The following EXOC8 variants were observed in gnomAD, a reference collection of about 807,000 sequenced individuals.
EXOC8 encodes the protein exocyst complex 84 kDa subunit.
In EXOC8, 19 loss-of-function variants were observed where a neutral mutation model predicts 50.8. The observed-to-expected ratio is 0.37, with a 90% CI of 0.26 to 0.55. The LOEUF (loss-of-function observed/expected upper bound fraction) is 0.55. EXOC8 is among the 20% of genes least tolerant of loss of function. EXOC8 has a pLI of 0.80. For synonymous variants in EXOC8, 384 were observed against 367.9 expected (o/e 1.04, Z -0.50); for missense variants, 781 against 915.8 (o/e 0.85, Z 1.90).
At position 231,336,036 on chromosome 1, in the gene EXOC8, G is replaced by T. The variant is rs1346714638; in HGVS notation, c.1710C>A (p.Asn570Lys). 3 of 1,614,058 alleles carry T rather than the reference G, an allele frequency of 1.9e-6. No individual in the cohort carries two copies. Among genetic ancestry groups the T allele is most frequent in the Non-Finnish European group, 2.5e-6 (3 of 1,180,044 alleles). The change falls in exon 1 of 1, where the codon AAC (asparagine) becomes AAA (lysine). Residue 570 changes from asparagine (N) to lysine (K), a missense_variant. This residue lies in a region of EXOC8 where 700 missense variants were observed against 804.1 expected (regional missense o/e 0.87). Transcript: ENST00000366645. The surrounding 1 kb of genome is among the most constrained non-coding windows in gnomAD (Gnocchi z 5.4). ...TCATCCTCCTCCACATCTCTTCAGA[G>T]TTGCGATGTTTAGTGGCTTCAATGA... ...EIIIEATKHR[N>K]SEEMWRRMNL...
At position 231,337,097 on chromosome 1, in the gene EXOC8, A is replaced by G; in HGVS notation, c.649T>C (p.Trp217Arg). 1 of 1,614,136 alleles carries G rather than the reference A, an allele frequency of 6.2e-7. No individual in the cohort carries two copies. The highest frequency in any genetic ancestry group is 2.2e-5 in the East Asian group (1 of 44,868). Residue 217 changes from tryptophan (W) to arginine (R), a missense_variant, in exon 1 of 1, where the codon TGG becomes CGG. Around this residue, in one of 3 missense-constraint regions of EXOC8, gnomAD observed 700 missense variants for 804.1 expected, o/e 0.87. Transcript: ENST00000366645. This position sits in a 1 kb window ranked among gnomAD's most constrained non-coding sequence, Gnocchi z 5.9. ...TACATCCCACGCCGCTGAGGCAGCC[A>G]GGTAGCCACCAACAAGCAATCGTTC... ...LMNDCLLVAT[W>R]LPQRRGMYRY...
chr1:231,335,619 A>T lies in EXOC8; in HGVS notation c.2127T>A (p.Asn709Lys). The change falls in exon 1 of 1, where the codon AAT becomes AAA. Residue 709 changes from asparagine (N) to lysine (K), a missense_variant. By Grantham distance (94) the Asn-to-Lys change is moderately conservative. Around this residue, in one of 3 missense-constraint regions of EXOC8, gnomAD observed 79 missense variants for 95.3 expected, o/e 0.83. Transcript: ENST00000366645. ...KPAKQLQDLR[N>K]ASRLIRVNPE... is the part of the protein sequence containing the mutation. ...GATTCACACGAATAAGTCTAGATGC[A>T]TTCCTCAGATCTTGGAGTTGCTTGG... 6.2e-7 allele frequency: 1 copy of T among 1,614,036 alleles called. No individual in the cohort carries two copies. Among genetic ancestry groups the T allele is most frequent in the Non-Finnish European group, 8.5e-7 (1 of 1,179,932 alleles).
chr1:231,336,493 A>T lies in EXOC8; in HGVS notation c.1253T>A (p.Leu418Gln). The change falls in exon 1 of 1, where the codon CTG becomes CAG. Residue 418 changes from leucine to glutamine, a missense_variant. Physicochemically the swap from Leu to Gln is moderately radical, Grantham distance 113 (BLOSUM62 -2). Around this residue, in one of 3 missense-constraint regions of EXOC8, gnomAD observed 700 missense variants for 804.1 expected, o/e 0.87. Transcript: ENST00000366645. This position sits in a 1 kb window ranked among gnomAD's most constrained non-coding sequence, Gnocchi z 5.4. ...PKATRRAVSQ[L>Q]IRLGQCTKAC... ...CTTCGTGCACTGGCCCAGCCGGATC[A>T]GTTGCGAAACTGCTCTGCGAGTAGC... The T allele has an allele frequency of 6.2e-7, 1 of 1,613,800 alleles. No individual in the cohort carries two copies. The highest frequency in any genetic ancestry group is 8.5e-7 in the Non-Finnish European group (1 of 1,179,826).
Position 231,334,326 on chromosome 1 carries a change from A to G in EXOC8, c.*1242T>C, listed in dbSNP as rs981442124. The G allele has an allele frequency of 1.4e-4, 22 of 152,214 alleles. No individual in the cohort carries two copies. The highest frequency in any genetic ancestry group is 5.3e-4 in the African/African-American group (22 of 41,446). The allele number at this position is 152,214 out of a possible 1,614,324, so 9.4% of individuals were successfully genotyped here. A position where few individuals can be genotyped will look rare whatever the true frequency, so the allele number is the denominator to read the frequency against. ...TCATAGTGAGAACACTGAGATTTGC[A>G]TATGTTTTTCTACTTTCCCATCCAT... On this transcript the variant is annotated 3_prime_UTR_variant, in exon 1 of 1. Coordinates refer to ENST00000366645, the MANE Select transcript of EXOC8 (RefSeq NM_175876.5).
At position 231,335,512 on chromosome 1, in the gene EXOC8, T is replaced by A; in HGVS notation, c.*56A>T. 1 of 1,349,770 alleles carries A rather than the reference T, an allele frequency of 7.4e-7. No individual in the cohort carries two copies. The highest frequency in any genetic ancestry group is 9.6e-7 in the Non-Finnish European group (1 of 1,039,838). The allele number at this position is 1,349,770 out of a possible 1,614,324, so 83.6% of individuals were successfully genotyped here. On this transcript the variant is annotated 3_prime_UTR_variant, in exon 1 of 1. Coordinates refer to ENST00000366645, the MANE Select transcript of EXOC8 (RefSeq NM_175876.5). ...ATGCTAATACAACTTAATATAAATA[T>A]AAATAATATATAAGCTCTCTCTCTG... is the stretch of plus-strand genomic sequence containing the variant.
rs371315127 is a variant in EXOC8 at position 231,336,550 on chromosome 1, G to T, written c.1196C>A (p.Ser399Tyr). ...QLTEVLVFEL[S>Y]PDRSLRGGPK... ...ACCACCTCTCAGGGAACGATCTGGG[G>T]AGAGTTCGAAAACTAGCACCTCAGT... is the stretch of plus-strand genomic sequence containing the variant. The change falls in exon 1 of 1, where the codon TCC becomes TAC. Residue 399 changes from serine (S) to tyrosine (Y), a missense_variant. Around this residue, in one of 3 missense-constraint regions of EXOC8, gnomAD observed 700 missense variants for 804.1 expected, o/e 0.87. Coordinates refer to ENST00000366645, the MANE Select transcript of EXOC8 (RefSeq NM_175876.5). The surrounding 1 kb of genome is among the most constrained non-coding windows in gnomAD (Gnocchi z 5.4). 6.2e-7 allele frequency: 1 copy of T among 1,614,128 alleles called. No individual in the cohort carries two copies. The highest frequency in any genetic ancestry group is 2.2e-5 in the East Asian group (1 of 44,892).
Position 231,337,257 on chromosome 1 carries a change from G to GC in EXOC8, c.488_489insG (p.Thr164HisfsTer4). 6.2e-7 allele frequency: 1 copy of GC among 1,610,826 alleles called. No homozygotes were observed. Among genetic ancestry groups the GC allele is most frequent in the Non-Finnish European group, 8.5e-7 (1 of 1,179,998 alleles). On this transcript the variant is annotated frameshift_variant, in exon 1 of 1. Transcript: ENST00000366645. LOFTEE classifies it high-confidence loss of function. This position sits in a 1 kb window ranked among gnomAD's most constrained non-coding sequence, Gnocchi z 5.9. The stretch of plus-strand genomic sequence containing the variant: ...AGCCTTCCACCTTCTCAAGCAGGGT[G>GC]GTGAGAGTGCGCTGCTTTCCTTCCT...
rs752237706 is a variant in EXOC8 at position 231,334,803 on chromosome 1, C to T, written c.*765G>A. 6.6e-6 allele frequency: 1 copy of T among 152,154 alleles called. No homozygotes were observed. Among genetic ancestry groups the T allele is most frequent in the African/African-American group, 2.4e-5 (1 of 41,436 alleles). The allele number at this position is 152,154 out of a possible 1,614,324, so 9.4% of individuals were successfully genotyped here. Reference sequence around the variant, plus strand: ...AACCAGCTAGTTTCAAGAAAGAATTCTTTTGACTAAAACTTACCTTAAAAC... The same window carrying T: ...AACCAGCTAGTTTCAAGAAAGAATTTTTTTGACTAAAACTTACCTTAAAAC... On this transcript the variant is annotated 3_prime_UTR_variant, in exon 1 of 1. Transcript: ENST00000366645.
rs780520706 is a variant in EXOC8 at position 231,335,542 on chromosome 1, T to C, written c.*26A>G. 1.2e-5 allele frequency: 19 copies of C among 1,551,960 alleles called. No individual in the cohort carries two copies. Among genetic ancestry groups the C allele is most frequent in the Non-Finnish European group, 1.5e-5 (17 of 1,155,434 alleles). On this transcript the variant is annotated 3_prime_UTR_variant, in exon 1 of 1. Transcript: ENST00000366645. Reference sequence around the variant, plus strand: ...AATATATAAGCTCTCTCTCTGCATATATACACATATAAACAGACCCAAGCA... The same window carrying C: ...AATATATAAGCTCTCTCTCTGCATACATACACATATAAACAGACCCAAGCA...
Position 231,336,153 on chromosome 1 carries a change from T to C in EXOC8, c.1593A>G (p.Gln531=). Residue 531 remains glutamine (Q), a synonymous_variant, in exon 1 of 1, where the codon CAA becomes CAG. Transcript: ENST00000366645. The surrounding 1 kb of genome is among the most constrained non-coding windows in gnomAD (Gnocchi z 5.4). ...TGAGATCCAGTCCGATATCACCCAGTTGCTGGCAATGCTCCTTAGCCACTT... is the reference window on the plus strand; with the variant it reads ...TGAGATCCAGTCCGATATCACCCAGCTGCTGGCAATGCTCCTTAGCCACTT... ...CVKVAKEHCQ[Q]LGDIGLDLTF... is the part of the protein sequence containing the mutation. The C allele has an allele frequency of 3.7e-6, 6 of 1,614,166 alleles. No individual in the cohort carries two copies. The highest frequency in any genetic ancestry group is 5.1e-6 in the Non-Finnish European group (6 of 1,180,018).
Position 231,334,444 on chromosome 1 carries a change from G to C in EXOC8, c.*1124C>G, listed in dbSNP as rs933655222. 2.6e-5 allele frequency: 4 copies of C among 152,186 alleles called. No homozygotes were observed. Among genetic ancestry groups the C allele is most frequent in the African/African-American group, 4.8e-5 (2 of 41,442 alleles). The allele number at this position is 152,186 out of a possible 1,614,324, so 9.4% of individuals were successfully genotyped here. A position where few individuals can be genotyped will look rare whatever the true frequency, so the allele number is the denominator to read the frequency against. ...ACTATATCTCCTACCCTGAATGGGG[G>C]AAGATGGGACAGCTATATCTCATAC... On this transcript the variant is annotated 3_prime_UTR_variant, in exon 1 of 1. Transcript: ENST00000366645.
chr1:231,335,421 CTT>C lies in EXOC8; in HGVS notation c.*145_*146del, dbSNP rs1686644206. On this transcript the variant is annotated 3_prime_UTR_variant, in exon 1 of 1. Coordinates refer to ENST00000366645, the MANE Select transcript of EXOC8 (RefSeq NM_175876.5). ...TGGGCTTAATTTAACTTATTTTCCT[CTT>C]TTTGATTTTTGTATTTTTAAGAGGG... 1 of 732,894 alleles carries C rather than the reference CTT, an allele frequency of 1.4e-6. No individual in the cohort carries two copies. Among genetic ancestry groups the C allele is most frequent in the Non-Finnish European group, 1.9e-6 (1 of 521,618 alleles). The allele number at this position is 732,894 out of a possible 1,614,324, so 45.4% of individuals were successfully genotyped here.
Position 231,336,767 on chromosome 1 carries a change from C to T in EXOC8, c.979G>A (p.Glu327Lys). The change falls in exon 1 of 1, where the codon GAA becomes AAA. Residue 327 changes from glutamate (E) to lysine (K), a missense_variant. This residue lies in a region of EXOC8 where 700 missense variants were observed against 804.1 expected (regional missense o/e 0.87). Transcript: ENST00000366645. The surrounding 1 kb of genome is among the most constrained non-coding windows in gnomAD (Gnocchi z 5.4). ...TCCATGGAGAGGTCCACCTTCTCTT[C>T]CTCTACCTCAGGAACAGCTGGTTCT... ...EEEPAVPEVE[E>K]EKVDLSMEWI... The T allele has an allele frequency of 8.1e-6, 13 of 1,614,184 alleles. No individual in the cohort carries two copies. Among genetic ancestry groups the T allele is most frequent in the Non-Finnish European group, 1.1e-5 (13 of 1,180,044 alleles).
rs1403710974 is a variant in EXOC8 at position 231,335,898 on chromosome 1, T to G, written c.1848A>C (p.Thr616=). ...GDDCWVNLSY[T]VVAFTKQTMG... Reference sequence around the variant, plus strand: ...TGGTCTGTTTGGTGAAAGCAACCACTGTGTAACTTAGGTTCACCCAGCAGT... The same window carrying G: ...TGGTCTGTTTGGTGAAAGCAACCACGGTGTAACTTAGGTTCACCCAGCAGT... Residue 616 remains threonine (T), a synonymous_variant, in exon 1 of 1, where the codon ACA becomes ACC. Transcript: ENST00000366645. The G allele has an allele frequency of 1.1e-5, 17 of 1,614,080 alleles. No individual in the cohort carries two copies. The highest frequency in any genetic ancestry group is 1.4e-5 in the Non-Finnish European group (16 of 1,180,052).
In EXOC8 at chr1:231,335,356, G is replaced by A; in HGVS notation, c.*212C>T. 2.6e-6 allele frequency: 1 copy of A among 382,182 alleles called. No individual in the cohort carries two copies. The highest frequency in any genetic ancestry group is 4.5e-6 in the Non-Finnish European group (1 of 221,254). 23.7% of individuals were successfully genotyped at this position (382,182 alleles called of 1,614,324 possible). The stretch of plus-strand genomic sequence containing the variant: ...TTAGCATAATTTAAAAGGATAGCTA[G>A]CATACTATACGTTTTAATAATTCCA... On this transcript the variant is annotated 3_prime_UTR_variant, in exon 1 of 1. Transcript: ENST00000366645.
chr1:231,336,526 C>T lies in EXOC8; in HGVS notation c.1220G>A (p.Gly407Asp). 6.2e-7 allele frequency: 1 copy of T among 1,614,032 alleles called. No individual in the cohort carries two copies. Among genetic ancestry groups the T allele is most frequent in the Non-Finnish European group, 8.5e-7 (1 of 1,179,980 alleles). The change falls in exon 1 of 1, where the codon GGT (glycine) becomes GAT (aspartate). Residue 407 changes from glycine to aspartate, a missense_variant. Transcript: ENST00000366645. This position sits in a 1 kb window ranked among gnomAD's most constrained non-coding sequence, Gnocchi z 5.4. ...ELSPDRSLRGGPKATRRAVSQ... is the reference protein window; with the variant it reads ...ELSPDRSLRGDPKATRRAVSQ... ...AACTGCTCTGCGAGTAGCCTTCGGA[C>T]CACCTCTCAGGGAACGATCTGGGGA...
In EXOC8 at chr1:231,337,539, C is replaced by A. The variant is rs1217010982; in HGVS notation, c.207G>T (p.Gln69His). 1 of 1,613,306 alleles carries A rather than the reference C, an allele frequency of 6.2e-7. No homozygotes were observed. ...AGATCTCGCGGGCCGTCTCTATGAA[C>A]TGCCGGTAGTTCTGGTAGACGTTGC... is the stretch of plus-strand genomic sequence containing the variant. ...LKRNVYQNYR[Q>H]FIETAREISY... is the part of the protein sequence containing the mutation. Residue 69 changes from glutamine to histidine, a missense_variant, in exon 1 of 1, where the codon CAG becomes CAT. Physicochemically the swap from Gln to His is conservative, Grantham distance 24. Around this residue, in one of 3 missense-constraint regions of EXOC8, gnomAD observed 700 missense variants for 804.1 expected, o/e 0.87. Coordinates refer to ENST00000366645, the MANE Select transcript of EXOC8 (RefSeq NM_175876.5). The surrounding 1 kb of genome is among the most constrained non-coding windows in gnomAD (Gnocchi z 5.9).
At position 231,336,682 on chromosome 1, in the gene EXOC8, C is replaced by T. The variant is rs745358364; in HGVS notation, c.1064G>A (p.Gly355Glu). The change falls in exon 1 of 1, where the codon GGG becomes GAG. Residue 355 changes from glycine to glutamate, a missense_variant. Physicochemically the swap from Gly to Glu is moderately conservative, Grantham distance 98. Around this residue, in one of 3 missense-constraint regions of EXOC8, gnomAD observed 700 missense variants for 804.1 expected, o/e 0.87. Coordinates refer to ENST00000366645, the MANE Select transcript of EXOC8 (RefSeq NM_175876.5). This position sits in a 1 kb window ranked among gnomAD's most constrained non-coding sequence, Gnocchi z 5.4. ...DVCIAQRDFE[G>E]AVDLLDKLNH... Reference sequence around the variant, plus strand: ...CAATTTATCCAGCAGGTCAACCGCCCCTTCAAAGTCTCTCTGCGCAATGCA... The same window carrying T: ...CAATTTATCCAGCAGGTCAACCGCCTCTTCAAAGTCTCTCTGCGCAATGCA... 1.2e-6 allele frequency: 2 copies of T among 1,614,194 alleles called. No homozygotes were observed. The highest frequency in any genetic ancestry group is 1.7e-6 in the Non-Finnish European group (2 of 1,180,032).
rs771053553 is a variant in EXOC8, at chr1:231,336,857, C to A, written c.889G>T (p.Ala297Ser). The A allele has an allele frequency of 6.2e-7, 1 of 1,614,046 alleles. No homozygotes were observed. The highest frequency in any genetic ancestry group is 2.2e-5 in the East Asian group (1 of 44,882). The change falls in exon 1 of 1, where the codon GCC becomes TCC. Residue 297 changes from alanine (A) to serine (S), a missense_variant. By Grantham distance (99) the Ala-to-Ser change is moderately conservative (BLOSUM62 1). Around this residue, in one of 3 missense-constraint regions of EXOC8, gnomAD observed 700 missense variants for 804.1 expected, o/e 0.87. Coordinates refer to ENST00000366645, the MANE Select transcript of EXOC8 (RefSeq NM_175876.5). The surrounding 1 kb of genome is among the most constrained non-coding windows in gnomAD (Gnocchi z 5.4). ...GTCACTTGGGGTGGCCCTCGAGGGG[C>A]CGCTGCCTCCTCCTGCTCCCTTCGC... is the stretch of plus-strand genomic sequence containing the variant. ...KRRREQEEAA[A>S]PRGPPQVTSK...
Sources: gnomAD v4.1 joint callset for allele counts on GRCh38, gnomAD v4.1.1 for gene constraint, gnomAD v4.1.1 regional missense constraint, Gnocchi (gnomAD v3.1) non-coding constraint, MANE v1.5 for transcripts, NCBI Gene and HGNC (gene_info 2026-07-23, HGNC 2026-07-21) for gene names.